WDHD1: variants seen among roughly 807,000 people sequenced by gnomAD.
WDHD1 encodes WD repeat and HMG-box DNA binding protein 1.
A neutral mutation model predicts 135.4 loss-of-function variants in WDHD1; 111 were observed. The ratio of observed to expected loss-of-function variants is 0.82; its 90% CI spans 0.70 to 0.96. WDHD1 has a LOEUF of 0.96. WDHD1 is among the 40% of genes least tolerant of loss of function. The pLI, the probability that WDHD1 is intolerant of heterozygous loss-of-function variation, is 0.00. For synonymous variants in WDHD1, 434 were observed against 439.0 expected (o/e 0.99, Z 0.14); for missense variants, 1,351 against 1,336.3 (o/e 1.01, Z -0.17).
At position 55,013,607 on chromosome 14, in the gene WDHD1, A is replaced by G. The variant is rs193013162; in HGVS notation, c.78-11T>C. 1 of 1,606,446 alleles carries G rather than the reference A, an allele frequency of 6.2e-7. No homozygotes were observed. The highest frequency in any genetic ancestry group is 2.2e-5 in the East Asian group (1 of 44,816). The stretch of plus-strand genomic sequence containing the variant: ...CAAGTCACAATAAAACTGTGAAGAA[A>G]AGACACAAATTAAAGTCATCGGGCA... On this transcript the variant is annotated splice_polypyrimidine_tract_variant and intron_variant, in intron 2 of 25. Coordinates refer to ENST00000360586, the MANE Select transcript of WDHD1 (RefSeq NM_007086.4).
At chr14:55,007,950 T>C (rs945675461) in intron 6 of WDHD1, among the ~76,000 whole-genome samples, 5 of 152,296 alleles carry the variant, frequency 3.3e-5, no homozygotes, top group Middle Eastern at 6.8e-3. Context: ...ATAAACTGTA[T>C]ATGTGACTCT....
At chr14:55,020,130 G>T (rs1242035142) in intron 2 of WDHD1, among the ~76,000 whole-genome samples, 2 of 152,240 alleles carry the variant, frequency 1.3e-5, no homozygotes, top group East Asian at 3.9e-4. Context: ...TTCTTCTGGG[G>T]TCACTGCTTC....
At chr14:54,949,227 G>A (rs1051128068) in intron 24 of WDHD1, among the ~76,000 whole-genome samples, 9 of 152,050 alleles carry the variant, frequency 5.9e-5, no homozygotes, top group Non-Finnish European at 1.0e-4. Flanking sequence ...AAGTTCGAAC[G>A]CATCGCAAAG....
chr14:54,996,510 G>A (rs2041882193), intron 10 of WDHD1, among the ~76,000 whole-genome samples: 2 of 152,130 alleles, frequency 1.3e-5, no homozygotes, highest in Admixed American at 1.3e-4. Flanking sequence ...TGAGGTAGGA[G>A]GGTCACCTGA....
At chr14:54,973,513 T>C (rs1312645826) in intron 16 of WDHD1, among the ~76,000 whole-genome samples, 1 of 152,232 alleles carries the variant, frequency 6.6e-6, no homozygotes, top group Admixed American at 6.5e-5. Context: ...TCTCCTTTTA[T>C]GATTTTATAA....
At chr14:54,999,654 T>C (rs1032111988) in intron 10 of WDHD1, among the ~76,000 whole-genome samples, 1 of 152,218 alleles carries the variant, frequency 6.6e-6, no homozygotes, top group African/African-American at 2.4e-5. Context: ...TGGAGTGCAG[T>C]GGCACAATCA....
At position 54,989,223 on chromosome 14, in the gene WDHD1, G is replaced by T. The variant is rs1402790926; in HGVS notation, c.1342-11C>A. ...AATAGAGTTCCACACCTACAAACAG[G>T]TAAGATTAAATATAAGTCTGAGAAA... On this transcript the variant is annotated splice_polypyrimidine_tract_variant and intron_variant, in intron 12 of 25. Transcript: ENST00000360586. 1.2e-6 allele frequency: 2 copies of T among 1,602,520 alleles called. No homozygotes were observed. Among genetic ancestry groups the T allele is most frequent in the East Asian group, 2.2e-5 (1 of 44,556 alleles).
chr14:55,012,926 T>C (rs1208243028), intron 3 of WDHD1, among the ~76,000 whole-genome samples: 1 of 152,106 alleles, frequency 6.6e-6, no homozygotes, highest in Non-Finnish European at 1.5e-5. Context: ...ATTCAAATCA[T>C]AGCAGTGAGC....
chr14:54,978,047 T>C (rs2041556444), intron 16 of WDHD1, among the ~76,000 whole-genome samples: 1 of 152,196 alleles, frequency 6.6e-6, no homozygotes, highest in Non-Finnish European at 1.5e-5. Context: ...AGATGACTAA[T>C]TTCATATATT....
chr14:55,000,813 T>A lies in WDHD1; in HGVS notation c.800+73A>T. ...TGACAATCTGATGGCAAATTTGAAA[T>A]GTTTCAAAATAAAACAAATACAAAA... On this transcript the variant is annotated intron_variant, in intron 9 of 25. Coordinates refer to ENST00000360586, the MANE Select transcript of WDHD1 (RefSeq NM_007086.4). The A allele has an allele frequency of 2.5e-6, 3 of 1,216,082 alleles. No individual in the cohort carries two copies. The South Asian group carries it at 7.2e-5, about 29-fold the overall frequency. The allele number at this position is 1,216,082 out of a possible 1,614,324, so 75.3% of individuals were successfully genotyped here. A position where few individuals can be genotyped will look rare whatever the true frequency, so the allele number is the denominator to read the frequency against.
intron 2 of WDHD1, among the ~76,000 whole-genome samples, chr14:55,024,053 T>C (rs757659990): frequency 6.6e-6 from 1 of 152,240 alleles, no homozygotes; most frequent in African/African-American, 2.4e-5. Flanking sequence ...CTAGGCTACA[T>C]GGTTCGTCTG....
At position 54,962,746 on chromosome 14, in the gene WDHD1, T is replaced by C. The variant is rs971521198; in HGVS notation, c.2639A>G (p.His880Arg). Reference protein sequence around the residue: ...EADDEEKPEIHKPGQNSFSKS... With the variant: ...EADDEEKPEIRKPGQNSFSKS... ...TTGAAAATGTATCTCACCAGGCTTA[T>C]GTATTTCTGGTTTTTCTTCATCATC... Residue 880 changes from histidine to arginine, a missense_variant, in exon 20 of 26, where the codon CAT becomes CGT. Physicochemically the swap from His to Arg is conservative, Grantham distance 29. Transcript: ENST00000360586. 1.1e-5 allele frequency: 18 copies of C among 1,613,528 alleles called. No homozygotes were observed. Among genetic ancestry groups the C allele is most frequent in the East Asian group, 2.2e-5 (1 of 44,882 alleles).
intron 16 of WDHD1, among the ~76,000 whole-genome samples, chr14:54,969,812 G>A (rs530487682): frequency 6.6e-6 from 1 of 152,206 alleles, no homozygotes; most frequent in East Asian, 1.9e-4. Context: ...CAAAACACTA[G>A]CAAACCAAAC....
chr14:54,941,465 A>G lies in WDHD1; in HGVS notation c.*25T>C. 6.4e-6 allele frequency: 10 copies of G among 1,572,226 alleles called. No individual in the cohort carries two copies. Among genetic ancestry groups the G allele is most frequent in the Non-Finnish European group, 8.6e-6 (10 of 1,163,570 alleles). ...AAAGATGAGTAAAAAAAAATCCATT[A>G]CTTCCCTAGGGTCACTTTCTTCCTT... On this transcript the variant is annotated 3_prime_UTR_variant, in exon 26 of 26. Coordinates refer to ENST00000360586, the MANE Select transcript of WDHD1 (RefSeq NM_007086.4).
intron 4 of WDHD1, 122 bp downstream of exon 4, chr14:55,010,187 T>A (rs1471234232): frequency 2.8e-6 from 3 of 1,070,414 alleles, no homozygotes; most frequent in African/African-American, 3.3e-5. Context: ...GATAAAAGAA[T>A]ATATGAAGAA....
At chr14:55,009,472 G>T (rs1261697264) in intron 4 of WDHD1, among the ~76,000 whole-genome samples, 2 of 145,630 alleles carry the variant, frequency 1.4e-5, no homozygotes, top group East Asian at 4.0e-4. Flanking sequence ...CACTCTTGTT[G>T]CCCAGGCTGG....
chr14:54,942,732 G>C (rs2040859217), intron 25 of WDHD1, among the ~76,000 whole-genome samples: 1 of 152,076 alleles, frequency 6.6e-6, no homozygotes, highest in Non-Finnish European at 1.5e-5. Flanking sequence ...ATCTATAATA[G>C]TTCCCCACTC....
At chr14:54,992,842 G>C (rs906162112) in intron 11 of WDHD1, among the ~76,000 whole-genome samples, 4 of 152,130 alleles carry the variant, frequency 2.6e-5, no homozygotes, top group African/African-American at 9.7e-5. Context: ...AAGCCCAGGA[G>C]TTCAAGGTTA....
At chr14:54,987,021 A>C (rs919882601) in intron 14 of WDHD1, 125 bp downstream of exon 14, 1 of 1,141,110 alleles carries the variant, frequency 8.8e-7, no homozygotes, top group African/African-American at 1.6e-5. Context: ...AATTATCTAC[A>C]TTTAAAGATT....
Sources: allele counts gnomAD v4.1 joint callset (sites outside exome capture counted in the v4.1 genomes callset), GRCh38; gene constraint gnomAD v4.1.1; transcripts MANE v1.5; gene names NCBI Gene and HGNC (gene_info 2026-07-23, HGNC 2026-07-21).